The following OR1J2 variants were observed in gnomAD, a reference collection of about 807,000 sequenced individuals.
OR1J2 encodes olfactory receptor 1J2.
For synonymous variants in OR1J2, 142 were observed against 99.7 expected, an observed-to-expected ratio of 1.42 and a Z score of -2.52; for missense variants, 304 against 246.1, an observed-to-expected ratio of 1.24 and a Z score of -1.57.
the OR1J2 span, among the ~76,000 whole-genome samples, chr9:122,457,590 A>G: frequency 5.9e-5 from 9 of 152,144 alleles, no homozygotes; most frequent in African/African-American, 1.7e-4. Context: ...AAAAAAATCA[A>G]CAGGAATTGT....
chr9:122,573,424 TTA>T, the OR1J2 span, among the ~76,000 whole-genome samples: 4 of 152,234 alleles, frequency 2.6e-5, no homozygotes, highest in Admixed American at 6.5e-5. Context: ...TTAGGAATGT[TTA>T]TGTTTGGCCA....
At chr9:122,478,330 A>C in the OR1J2 span, among the ~76,000 whole-genome samples, 91 of 152,294 alleles carry the variant, frequency 6.0e-4, no homozygotes, top group African/African-American at 2.2e-3. Context: ...GGAAGAGGAG[A>C]AGCTGGGATT....
chr9:122,577,626 C>T, the OR1J2 span, among the ~76,000 whole-genome samples: 1 of 152,100 alleles, frequency 6.6e-6, no homozygotes, highest in African/African-American at 2.4e-5. Context: ...ATCATATTAT[C>T]TATCAAAGAT....
At chr9:122,462,555 T>C in the OR1J2 span, among the ~76,000 whole-genome samples, 5 of 152,240 alleles carry the variant, frequency 3.3e-5, no homozygotes, top group Non-Finnish European at 7.3e-5. Context: ...TATTCTGGTG[T>C]ATTTTTATAA....
chr9:122,451,585 G>A, the OR1J2 span, among the ~76,000 whole-genome samples: 7 of 152,166 alleles, frequency 4.6e-5, no homozygotes, highest in Non-Finnish European at 1.0e-4. Flanking sequence ...ATCTCCATGA[G>A]TATTGCATCA....
chr9:122,451,395 G>A, the OR1J2 span, among the ~76,000 whole-genome samples: 39 of 152,004 alleles, frequency 2.6e-4, no homozygotes, highest in African/African-American at 8.7e-4. Context: ...ATGTTGGTCA[G>A]GCTGGTCTCC....
the OR1J2 span, among the ~76,000 whole-genome samples, chr9:122,456,277 C>T: frequency 6.6e-6 from 1 of 152,034 alleles, no homozygotes; most frequent in Non-Finnish European, 1.5e-5. Flanking sequence ...GGAATAAACA[C>T]GTGCCTAGAA....
chr9:122,553,340 G>A, the OR1J2 span: 95 of 1,613,942 alleles, frequency 5.9e-5, no homozygotes, highest in Middle Eastern at 3.3e-4. Context: ...TCACCATGGT[G>A]GGGAACCTGC....
At chr9:122,509,523 A>G (rs1828592248), upstream of OR1J2, among the ~76,000 whole-genome samples, 1 of 152,190 alleles carries the variant, frequency 6.6e-6, no homozygotes, top group Non-Finnish European at 1.5e-5. Context: ...TCCCTAAAGT[A>G]TTTTCTCATA....
upstream of OR1J2, among the ~76,000 whole-genome samples, chr9:122,508,453 C>T (rs1828570982): frequency 6.6e-6 from 1 of 152,166 alleles, no homozygotes; most frequent in African/African-American, 2.4e-5. Context: ...CCCTCTCTAA[C>T]TCTCTGCCTT....
chr9:122,538,112 T>C, the OR1J2 span, among the ~76,000 whole-genome samples: 1 of 152,128 alleles, frequency 6.6e-6, no homozygotes, highest in Admixed American at 6.5e-5. Context: ...TCTGTGCAGC[T>C]GTGGGCATGT....
the OR1J2 span, among the ~76,000 whole-genome samples, chr9:122,571,831 T>G: frequency 1.3e-5 from 2 of 152,150 alleles, no homozygotes; most frequent in African/African-American, 2.4e-5. Context: ...GGATTTGTCC[T>G]CTATCACCTG....
At chr9:122,527,044 G>T in the OR1J2 span, 1 of 1,614,178 alleles carries the variant, frequency 6.2e-7, no homozygotes, top group Non-Finnish European at 8.5e-7. Context: ...TGCCGAGTCT[G>T]TATATTCACC....
At chr9:122,457,963 A>G in the OR1J2 span, among the ~76,000 whole-genome samples, 4 of 152,172 alleles carry the variant, frequency 2.6e-5, no homozygotes, top group Non-Finnish European at 5.9e-5. Context: ...AGACTGTACA[A>G]TAGATAACCA....
the OR1J2 span, among the ~76,000 whole-genome samples, chr9:122,549,620 T>A: frequency 0.046 from 6,946 of 152,266 alleles, 223 homozygotes; most frequent in Middle Eastern, 0.078. Flanking sequence ...GAATAGGGTG[T>A]CTTTTCCCCA....
chr9:122,511,988 A>G (rs1170584726), downstream of OR1J2, among the ~76,000 whole-genome samples: 1 of 152,242 alleles, frequency 6.6e-6, no homozygotes, highest in Non-Finnish European at 1.5e-5. Context: ...GAGAAGGGAC[A>G]TAATAATGCA....
At chr9:122,528,118 A>G in the OR1J2 span, among the ~76,000 whole-genome samples, 88,386 of 152,030 alleles carry the variant, frequency 0.58, 27,625 homozygotes, top group East Asian at 0.87. Context: ...TTTATATTTA[A>G]TCCCTCAGTA....
chr9:122,576,194 A>ATG, the OR1J2 span, among the ~76,000 whole-genome samples: 4 of 151,976 alleles, frequency 2.6e-5, no homozygotes, highest in East Asian at 5.8e-4. Context: ...ATATGTATGT[A>ATG]TGTCTACATG....
the OR1J2 span, among the ~76,000 whole-genome samples, chr9:122,579,271 CAT>C: frequency 6.6e-6 from 1 of 151,670 alleles, no homozygotes; most frequent in African/African-American, 2.4e-5. Context: ...ATAATTTTAA[CAT>C]AAATTTGAAA....
Sources: gnomAD v4.1 joint callset for allele counts (sites outside exome capture counted in the v4.1 genomes callset) on GRCh38, gnomAD v4.1.1 for gene constraint, MANE v1.5 for transcripts, NCBI Gene and HGNC (gene_info 2026-07-23, HGNC 2026-07-21) for gene names.